Variants in ZNF665 observed in about 807,000 individuals in gnomAD.
The protein encoded by ZNF665 is zinc finger protein 665.
A neutral mutation model predicts 7.9 loss-of-function variants in ZNF665; 6 were observed. That is an observed-to-expected ratio of 0.76 (90% confidence interval 0.42 to 1.50). The LOEUF (loss-of-function observed/expected upper bound fraction) is 1.50. Among genes scored for constraint, ZNF665 ranks in the 40% most tolerant of loss-of-function variants. The probability of loss-of-function intolerance (pLI) is 0.01; values close to 1 mark genes in which losing one functional copy is unlikely to be tolerated. For missense variants in ZNF665, 819 were observed against 806.7 expected (o/e 1.02, Z -0.18); for synonymous variants, 242 against 274.5 (o/e 0.88, Z 1.17).
intron 3 of ZNF665, among the ~76,000 whole-genome samples, chr19:53,172,733 G>A (rs903441152): frequency 2.0e-5 from 3 of 148,880 alleles, no homozygotes; most frequent in Admixed American, 6.9e-5. Context: ...GCTGAGGCAG[G>A]AGAATCACTT....
chr19:53,185,783 T>G (rs376227360), intron 1 of ZNF665, among the ~76,000 whole-genome samples: 5 of 151,914 alleles, frequency 3.3e-5, no homozygotes, highest in African/African-American at 1.2e-4. Flanking sequence ...AGGTTAATGG[T>G]ATGTCCTTAA....
chr19:53,176,935 C>G (rs1048376338), intron 2 of ZNF665, among the ~76,000 whole-genome samples: 2 of 152,096 alleles, frequency 1.3e-5, no homozygotes, highest in African/African-American at 4.8e-5. Context: ...GCCTGGCCAA[C>G]ATGGCAAAAC....
chr19:53,185,038 T>C (rs150768527), intron 1 of ZNF665, among the ~76,000 whole-genome samples: 4 of 152,236 alleles, frequency 2.6e-5, no homozygotes, highest in African/African-American at 9.6e-5. Flanking sequence ...GTGTACAGGA[T>C]GGAACATGAA....
At chr19:53,192,026 CTG>C (rs930271036) in intron 1 of ZNF665, among the ~76,000 whole-genome samples, 2 of 151,944 alleles carry the variant, frequency 1.3e-5, no homozygotes, top group African/African-American at 4.8e-5. Context: ...TGTTTCTTTT[CTG>C]TGTTTCAGCC....
intron 1 of ZNF665, among the ~76,000 whole-genome samples, chr19:53,184,176 G>A (rs557908762): frequency 6.6e-6 from 1 of 152,206 alleles, no homozygotes; most frequent in East Asian, 1.9e-4. Context: ...CTTGAGGACA[G>A]GAGGTGGAGG....
rs1035152009 is a variant in ZNF665 at position 53,175,523 on chromosome 19, ACTC to A, written c.61_63del (p.Glu21del). On this transcript the variant is annotated inframe_deletion, in exon 3 of 4. Transcript: ENST00000396424. ...TTCTGAGCAGGGTCCAGGCATGTCC[ACTC>A]CTCCTGAGAGAATTCTATGGCCACA... The A allele has an allele frequency of 6.2e-7, 1 of 1,611,406 alleles. No individual in the cohort carries two copies. The highest frequency in any genetic ancestry group is 8.5e-7 in the Non-Finnish European group (1 of 1,179,246).
At chr19:53,179,749 G>C (rs903603039) in intron 2 of ZNF665, 3 of 152,156 alleles carry the variant, frequency 2.0e-5, no homozygotes. Context: ...ACTTGAAGTT[G>C]GTCGGTCAGA....
rs2090576252 is a variant in ZNF665, at chr19:53,163,107, C to T, written c.*1346G>A. On this transcript the variant is annotated 3_prime_UTR_variant, in exon 4 of 4. Transcript: ENST00000396424. ...GGAGTGCAGTGGCATGATCTCGGCT[C>T]ACCACAACCTCTGCCTCCCGGGTTC... The T allele has an allele frequency of 6.6e-6, 1 of 152,350 alleles. No homozygotes were observed. Among genetic ancestry groups the T allele is most frequent in the Non-Finnish European group, 1.5e-5 (1 of 68,288 alleles). 9.4% of individuals were successfully genotyped at this position (152,350 alleles called of 1,614,324 possible).
intron 1 of ZNF665, chr19:53,190,324 T>G (rs1457153771): frequency 6.6e-6 from 1 of 152,196 alleles, no homozygotes; most frequent in African/African-American, 2.4e-5. Flanking sequence ...CCCTTTACTG[T>G]TTGAGACAGG....
intron 1 of ZNF665, among the ~76,000 whole-genome samples, chr19:53,189,930 A>G (rs916947768): frequency 6.6e-6 from 1 of 152,150 alleles, no homozygotes; most frequent in Admixed American, 6.5e-5. Context: ...CTGTCCGGGC[A>G]TAACAGAAGG....
chr19:53,177,809 C>T lies in ZNF665; in HGVS notation c.16-2238G>A, dbSNP rs1412192403. 3.3e-5 allele frequency among the ~76,000 whole-genome samples: 5 copies of T among 152,304 alleles called. No homozygotes were observed. In the East Asian group the frequency reaches 5.8e-4, roughly 18 times the overall value. On this transcript the variant is annotated intron_variant, in intron 2 of 3. Transcript: ENST00000396424. ...GCAAGGTAGTATTTTAAATCCTTTA[C>T]GTGTACTAACACATACAACACTGTA... is the stretch of plus-strand genomic sequence containing the variant.
chr19:53,165,394 G>A lies in ZNF665; in HGVS notation c.1096C>T (p.Arg366Ter), dbSNP rs570367652. The A allele has an allele frequency of 6.8e-6, 11 of 1,611,242 alleles. No individual in the cohort carries two copies. Among genetic ancestry groups the A allele is most frequent in the East Asian group, 2.2e-5 (1 of 44,674 alleles). Residue 366 changes from arginine to a stop codon, truncating the protein, a stop_gained, in exon 4 of 4, where the codon CGA becomes TGA. Transcript: ENST00000396424. LOFTEE classifies it low-confidence loss of function (END_TRUNC). Reference sequence around the variant, plus strand: ...TAAGGTTTCTCACCAGTATGAATTCGCCGATGCTTTGCAAGGTATGAATTG... The same window carrying A: ...TAAGGTTTCTCACCAGTATGAATTCACCGATGCTTTGCAAGGTATGAATTG... ...RHNSYLAKHRRIHTGEKPYKC... is the reference protein window; with the variant it reads ...RHNSYLAKHR
At chr19:53,192,487 C>T (rs575676762) in intron 1 of ZNF665, among the ~76,000 whole-genome samples, 14 of 152,312 alleles carry the variant, frequency 9.2e-5, no homozygotes, top group African/African-American at 3.1e-4. Context: ...CTCTACATTT[C>T]TCCAGTTGTT....
intron 3 of ZNF665, 106 bp from the exon 4 acceptor site, chr19:53,166,453 C>A: frequency 9.6e-7 from 1 of 1,045,378 alleles, no homozygotes; most frequent in African/African-American, 1.6e-5. Context: ...TTATGTTGAA[C>A]AGACTTACGA....
At chr19:53,185,501 A>C (rs2090771560) in intron 1 of ZNF665, among the ~76,000 whole-genome samples, 1 of 152,108 alleles carries the variant, frequency 6.6e-6, no homozygotes, top group Non-Finnish European at 1.5e-5. Flanking sequence ...ATGATTAATG[A>C]TATTCATATA....
rs565308065 is a variant in ZNF665, at chr19:53,164,718, A to G, written c.1772T>C (p.Ile591Thr). The part of the protein sequence containing the change: ...VHSNLATHQV[I>T]HTGEKPYKCN... ...TTTGTAAGGTTTTTCTCCAGTATGG[A>G]TGACCTGATGGGTAGCTAGGTTTGA... is the stretch of plus-strand genomic sequence containing the variant. Residue 591 changes from isoleucine to threonine, a missense_variant, in exon 4 of 4, where the codon ATC becomes ACC. Transcript: ENST00000396424. 1.5e-5 allele frequency: 24 copies of G among 1,614,078 alleles called. No individual in the cohort carries two copies. The Admixed American group carries it at 3.8e-4, about 26-fold the overall frequency.
At position 53,183,025 on chromosome 19, in the gene ZNF665, C is replaced by G. The variant is rs1001538264; in HGVS notation, c.-45-82G>C. 6.5e-6 allele frequency: 9 copies of G among 1,394,922 alleles called. No individual in the cohort carries two copies. In the East Asian group the frequency reaches 1.8e-4, roughly 28 times the overall value. The allele number at this position is 1,394,922 out of a possible 1,614,324, so 86.4% of individuals were successfully genotyped here. A position where few individuals can be genotyped will look rare whatever the true frequency, so the allele number is the denominator to read the frequency against. On this transcript the variant is annotated intron_variant, in intron 1 of 3. Coordinates refer to ENST00000396424, the MANE Select transcript of ZNF665 (RefSeq NM_024733.5). ...TTTGTTGGTTAGAATCAACACACCCCCTCCCTGGGCCATAACCTTATACAC... is the reference window on the plus strand; with the variant it reads ...TTTGTTGGTTAGAATCAACACACCCGCTCCCTGGGCCATAACCTTATACAC...
intron 1 of ZNF665, among the ~76,000 whole-genome samples, chr19:53,185,458 A>C (rs1168031436): frequency 6.6e-6 from 1 of 152,062 alleles, no homozygotes; most frequent in Non-Finnish European, 1.5e-5. Context: ...GGATTATTAT[A>C]ATATTGGGAT....
intron 2 of ZNF665, 67 bp from the exon 3 acceptor site, chr19:53,175,638 A>G: frequency 1.3e-6 from 2 of 1,534,868 alleles, no homozygotes; most frequent in Non-Finnish European, 8.8e-7. Context: ...TAAAACAAGA[A>G]GAGGAGAGAG....
Sources: gnomAD v4.1 joint callset for allele counts (sites outside exome capture counted in the v4.1 genomes callset) on GRCh38, gnomAD v4.1.1 for gene constraint, MANE v1.5 for transcripts, NCBI Gene and HGNC (gene_info 2026-07-23, HGNC 2026-07-21) for gene names.